Variants in STRN observed in about 807,000 individuals in gnomAD.
STRN encodes the protein protein phosphatase 2 regulatory subunit B'''alpha.
A neutral mutation model predicts 96.3 loss-of-function variants in STRN; 53 were observed. The observed-to-expected ratio is 0.55, with a 90% CI of 0.44 to 0.69. The LOEUF is 0.69. Ranked by LOEUF, STRN falls within the 30% of genes least tolerant of loss-of-function variation. The pLI is 0.00. For synonymous variants in STRN, 428 were observed against 355.9 expected (o/e 1.20, Z -2.28); for missense variants, 987 against 963.9 (o/e 1.02, Z -0.32).
At chr2:36,905,513 T>C in intron 4 of STRN, 27 bp downstream of exon 4, 2 of 1,597,882 alleles carry the variant, frequency 1.3e-6, no homozygotes, top group Non-Finnish European at 1.7e-6. Context: ...CTTCAGCCAT[T>C]TATAAGTTTC....
intron 1 of STRN, among the ~76,000 whole-genome samples, chr2:36,934,120 G>GA (rs1324651072): frequency 2.0e-5 from 3 of 151,078 alleles, no homozygotes; most frequent in South Asian, 2.1e-4. Context: ...AAAGAAAAAA[G>GA]AAAAAAAACT....
chr2:36,906,210 T>C (rs1287469221), intron 3 of STRN, among the ~76,000 whole-genome samples: 1 of 152,288 alleles, frequency 6.6e-6, no homozygotes, highest in Middle Eastern at 3.4e-3. Context: ...ACGCCTATAA[T>C]CCCAGCAATT....
chr2:36,853,410 T>C (rs1572622636), intron 15 of STRN, among the ~76,000 whole-genome samples: 1 of 152,336 alleles, frequency 6.6e-6, no homozygotes, highest in East Asian at 1.9e-4. Flanking sequence ...TTTCAGAGAA[T>C]AGCCTCAATT....
intron 1 of STRN, among the ~76,000 whole-genome samples, chr2:36,944,209 ATTAAG>A (rs149261876): frequency 3.7e-4 from 57 of 152,360 alleles, no homozygotes; most frequent in African/African-American, 1.3e-3. Flanking sequence ...TTAAATTTTT[ATTAAG>A]TTGTTTTTCT....
intron 6 of STRN, among the ~76,000 whole-genome samples, chr2:36,896,729 A>G (rs1669549283): frequency 1.3e-5 from 2 of 152,196 alleles, no homozygotes; most frequent in Non-Finnish European, 2.9e-5. Flanking sequence ...TTTTCCTCCT[A>G]AAGTTCCTGA....
At chr2:36,926,957 C>T (rs573130507) in intron 1 of STRN, among the ~76,000 whole-genome samples, 1 of 152,212 alleles carries the variant, frequency 6.6e-6, no homozygotes, top group South Asian at 2.1e-4. Context: ...TTTGTCTATG[C>T]CAAACGTGCT....
intron 1 of STRN, among the ~76,000 whole-genome samples, chr2:36,962,748 C>T (rs1282663977): frequency 1.3e-5 from 2 of 152,164 alleles, no homozygotes. Context: ...ACCTCACGAT[C>T]CGCCTGCCTT....
At chr2:36,937,824 C>A (rs758292627) in intron 1 of STRN, among the ~76,000 whole-genome samples, 1 of 151,824 alleles carries the variant, frequency 6.6e-6, no homozygotes, top group Non-Finnish European at 1.5e-5. Flanking sequence ...CAGGCTATGA[C>A]CAGAGTGATT....
At chr2:36,924,151 T>C (rs1231864815) in intron 2 of STRN, among the ~76,000 whole-genome samples, 1 of 151,904 alleles carries the variant, frequency 6.6e-6, no homozygotes, top group Non-Finnish European at 1.5e-5. Flanking sequence ...GGTCAGGAGA[T>C]CAAGACCATC....
chr2:36,875,262 C>T (rs1319840513), intron 10 of STRN, among the ~76,000 whole-genome samples: 1 of 152,060 alleles, frequency 6.6e-6, no homozygotes, highest in Non-Finnish European at 1.5e-5. Flanking sequence ...GTAATCCCAG[C>T]ACTCTGTGAG....
At chr2:36,934,098 G>C (rs1670642642) in intron 1 of STRN, among the ~76,000 whole-genome samples, 1 of 152,070 alleles carries the variant, frequency 6.6e-6, no homozygotes, top group South Asian at 2.1e-4. Context: ...GACAGAGGGA[G>C]ACTCCGTCTC....
Position 36,929,074 on chromosome 2 carries a change from A to G in STRN, c.235-3866T>C, listed in dbSNP as rs573074359. On this transcript the variant is annotated intron_variant, in intron 1 of 17. Coordinates refer to ENST00000263918, the MANE Select transcript of STRN (RefSeq NM_003162.4). ...TTCTGGAGAAGAAAACTTTGGAATT[A>G]TCTTCAAGGAAAATGAATGTTGAAC... Among the ~76,000 whole-genome samples the G allele has an allele frequency of 2.0e-5, 3 of 152,340 alleles. No homozygotes were observed. The South Asian group carries it at 6.2e-4, about 32-fold the overall frequency.
intron 3 of STRN, among the ~76,000 whole-genome samples, chr2:36,915,675 T>G (rs1476018351): frequency 1.3e-5 from 2 of 152,212 alleles, no homozygotes; most frequent in African/African-American, 2.4e-5. Context: ...AATTCCTCCA[T>G]GCTTTAAGAA....
chr2:36,861,652 A>T (rs1364284279), intron 12 of STRN, among the ~76,000 whole-genome samples: 1 of 152,182 alleles, frequency 6.6e-6, no homozygotes, highest in Non-Finnish European at 1.5e-5. Flanking sequence ...AAAGTATGCC[A>T]ATCTCTGTGC....
At chr2:36,870,633 G>A (rs1436160678) in intron 10 of STRN, among the ~76,000 whole-genome samples, 2 of 152,160 alleles carry the variant, frequency 1.3e-5, no homozygotes, top group Non-Finnish European at 1.5e-5. Flanking sequence ...ACCTATTTGT[G>A]CTGCCAGTAG....
At chr2:36,940,599 G>A (rs986092437) in intron 1 of STRN, among the ~76,000 whole-genome samples, 2 of 150,134 alleles carry the variant, frequency 1.3e-5, no homozygotes, top group South Asian at 2.1e-4. Flanking sequence ...AAGCCGAAGC[G>A]GATGCATCAC....
In STRN at chr2:36,845,406, G is replaced by C. The variant is rs1174078195; in HGVS notation, c.*4050C>G. ...ATCATTTCAGATGTCATAAAGATTT[G>C]CTTCAGTTAAAATGGCAGCAATGAC... is the stretch of plus-strand genomic sequence containing the variant. On this transcript the variant is annotated 3_prime_UTR_variant, in exon 18 of 18. Coordinates refer to ENST00000263918, the MANE Select transcript of STRN (RefSeq NM_003162.4). 36 of 151,964 alleles carry C rather than the reference G, an allele frequency of 2.4e-4. No individual in the cohort carries two copies. Among genetic ancestry groups the C allele is most frequent in the Admixed American group, 2.4e-3 (36 of 15,254 alleles). 9.4% of individuals were successfully genotyped at this position (151,964 alleles called of 1,614,324 possible).
At chr2:36,912,666 A>G (rs943609733) in intron 3 of STRN, among the ~76,000 whole-genome samples, 1 of 152,114 alleles carries the variant, frequency 6.6e-6, no homozygotes, top group African/African-American at 2.4e-5. Flanking sequence ...TTTCAACTCC[A>G]ATGGCCTTGA....
intron 10 of STRN, among the ~76,000 whole-genome samples, chr2:36,876,193 C>T (rs1445419739): frequency 6.6e-6 from 1 of 151,900 alleles, no homozygotes; most frequent in Non-Finnish European, 1.5e-5. Flanking sequence ...TCATTTGAGC[C>T]CGGTGGGGCG....
Sources: allele counts gnomAD v4.1 joint callset (sites outside exome capture counted in the v4.1 genomes callset), GRCh38; gene constraint gnomAD v4.1.1; transcripts MANE v1.5; gene names NCBI Gene and HGNC (gene_info 2026-07-23, HGNC 2026-07-21).